IL1RAP: variants seen among roughly 807,000 people sequenced by gnomAD.
The protein encoded by IL1RAP is interleukin-1 receptor accessory protein.
A neutral mutation model predicts 60.7 loss-of-function variants in IL1RAP; 35 were observed. The observed-to-expected ratio is 0.58, with a 90% CI of 0.44 to 0.76. The LOEUF (loss-of-function observed/expected upper bound fraction) is 0.76. IL1RAP is among the 30% of genes least tolerant of loss of function. The pLI, the probability that IL1RAP is intolerant of heterozygous loss-of-function variation, is 0.00. For synonymous variants in IL1RAP, 268 were observed against 250.9 expected (o/e 1.07, Z -0.64); for missense variants, 572 against 693.9 (o/e 0.82, Z 1.97).
intron 5 of IL1RAP, among the ~76,000 whole-genome samples, chr3:190,611,501 C>A (rs904138989): frequency 6.6e-6 from 1 of 152,074 alleles, no homozygotes; most frequent in Non-Finnish European, 1.5e-5. Context: ...TTAAAAGAAA[C>A]ATATAAGACA....
chr3:190,654,197 C>CAA (rs1201488257), downstream of IL1RAP, among the ~76,000 whole-genome samples: 3 of 140,414 alleles, frequency 2.1e-5, no homozygotes, highest in African/African-American at 3.2e-5. Context: ...ATATCACACA[C>CAA]ACACACACAC....
At chr3:190,578,413 C>T (rs1383799393) in intron 3 of IL1RAP, among the ~76,000 whole-genome samples, 1 of 152,164 alleles carries the variant, frequency 6.6e-6, no homozygotes, top group Admixed American at 6.5e-5. Context: ...TTAATAACTT[C>T]TCTAGCACAG....
Position 190,591,910 on chromosome 3 carries a change from C to CA in IL1RAP, c.65-12210dup, listed in dbSNP as rs1280719494. Among the ~76,000 whole-genome samples, 7 of 151,732 alleles carry CA rather than the reference C, an allele frequency of 4.6e-5. No homozygotes were observed. The East Asian group carries it at 5.8e-4, about 13-fold the overall frequency. ...TTTATTTATTGTCACAACAGCCCTG[C>CA]AAAAAAAATCATTCCCTTCAGCAGC... On this transcript the variant is annotated intron_variant, in intron 3 of 11. Transcript: ENST00000447382.
intron 9 of IL1RAP, among the ~76,000 whole-genome samples, chr3:190,641,760 C>A (rs1474773435): frequency 6.6e-6 from 1 of 152,038 alleles, no homozygotes; most frequent in African/African-American, 2.4e-5. Flanking sequence ...CCAGAGAGAG[C>A]CAAAATAACT....
chr3:190,623,188 G>T (rs1042648768), intron 6 of IL1RAP, among the ~76,000 whole-genome samples, 156 bp from the exon 7 acceptor site: 1 of 152,174 alleles, frequency 6.6e-6, no homozygotes, highest in African/African-American at 2.4e-5. Flanking sequence ...TTAAATGACT[G>T]AAGTGCAGTA....
At chr3:190,564,469 C>T in intron 3 of IL1RAP, 116 bp downstream of exon 3, 1 of 731,786 alleles carries the variant, frequency 1.4e-6, no homozygotes, top group Non-Finnish European at 2.5e-6. Flanking sequence ...CCATTGTCTT[C>T]TGCGGTAGCA....
chr3:190,633,371 A>ATTTTTTTTTT (rs1187674156), intron 9 of IL1RAP, among the ~76,000 whole-genome samples: 56 of 152,056 alleles, frequency 3.7e-4, no homozygotes, highest in African/African-American at 1.3e-3. Flanking sequence ...ATTTAAATTT[A>ATTTTTTTTTT]TTTTTGAGAC....
At position 190,531,271 on chromosome 3, in the gene IL1RAP, A is replaced by T. The variant is rs185915195; in HGVS notation, c.-89+17052A>T. The stretch of plus-strand genomic sequence containing the variant: ...GTCTGTAACAATAATAATAATAATT[A>T]AAAAAAATCCACCCATAGTTCTTGG... On this transcript the variant is annotated intron_variant, in intron 1 of 11. Coordinates refer to ENST00000447382, the MANE Select transcript of IL1RAP (RefSeq NM_002182.4). Among the ~76,000 whole-genome samples the T allele has an allele frequency of 2.7e-3, 411 of 152,142 alleles. 1 individual carries two copies. The highest frequency in any genetic ancestry group is 4.2e-3 in the Non-Finnish European group (283 of 67,976).
At chr3:190,528,866 T>C (rs1028783141) in intron 1 of IL1RAP, among the ~76,000 whole-genome samples, 1 of 152,116 alleles carries the variant, frequency 6.6e-6, no homozygotes, top group African/African-American at 2.4e-5. Context: ...TAAGGAGAAG[T>C]GGTAAATGAA....
chr3:190,650,993 C>T lies in IL1RAP; in HGVS notation c.*2288C>T. ...TCTATTTATATGCCTGCCTTTGGTA[C>T]TTAATTTTACAAATGCTGTAATATA... is the stretch of plus-strand genomic sequence containing the variant. On this transcript the variant is annotated 3_prime_UTR_variant, in exon 12 of 12. Coordinates refer to ENST00000447382, the MANE Select transcript of IL1RAP (RefSeq NM_002182.4). The T allele has an allele frequency of 9.1e-6, 9 of 985,110 alleles. No individual in the cohort carries two copies. The highest frequency in any genetic ancestry group is 1.1e-5 in the Non-Finnish European group (9 of 829,744). 61.0% of individuals were successfully genotyped at this position (985,110 alleles called of 1,614,324 possible).
At chr3:190,551,437 A>C (rs1315906247) in intron 1 of IL1RAP, among the ~76,000 whole-genome samples, 2 of 152,252 alleles carry the variant, frequency 1.3e-5, no homozygotes, top group East Asian at 1.9e-4. Context: ...GAGAGAAACA[A>C]ACATGCTTCA....
intron 3 of IL1RAP, among the ~76,000 whole-genome samples, chr3:190,598,912 A>G (rs1350906021): frequency 3.3e-5 from 5 of 152,068 alleles, no homozygotes; most frequent in South Asian, 4.1e-4. Flanking sequence ...CTATAATTCT[A>G]TTACGTCTCT....
chr3:190,565,453 A>G (rs1577606306), intron 3 of IL1RAP, among the ~76,000 whole-genome samples: 1 of 152,292 alleles, frequency 6.6e-6, no homozygotes, highest in East Asian at 1.9e-4. Context: ...GAGCTCTCCT[A>G]CCATCCTGAT....
chr3:190,646,314 G>A (rs1006890772), intron 11 of IL1RAP, among the ~76,000 whole-genome samples: 7 of 152,024 alleles, frequency 4.6e-5, no homozygotes, highest in African/African-American at 1.7e-4. Context: ...TTCCTTATGT[G>A]ATTCACTGAT....
chr3:190,567,842 A>T (rs1285072780), intron 3 of IL1RAP, among the ~76,000 whole-genome samples: 2 of 152,188 alleles, frequency 1.3e-5, no homozygotes, highest in Non-Finnish European at 2.9e-5. Flanking sequence ...TTATAGTATT[A>T]AATATTTTCA....
chr3:190,556,930 C>T (rs1036165618), intron 2 of IL1RAP, among the ~76,000 whole-genome samples: 2 of 152,188 alleles, frequency 1.3e-5, no homozygotes, highest in Non-Finnish European at 2.9e-5. Flanking sequence ...AGACTTTCCT[C>T]TCAACAAATG....
At chr3:190,558,225 T>C (rs993130808) in intron 2 of IL1RAP, among the ~76,000 whole-genome samples, 1 of 152,192 alleles carries the variant, frequency 6.6e-6, no homozygotes, top group African/African-American at 2.4e-5. Context: ...TTTAGGCAAT[T>C]AATAATAGGG....
chr3:190,570,946 T>C (rs1193349071), intron 3 of IL1RAP, among the ~76,000 whole-genome samples: 1 of 152,146 alleles, frequency 6.6e-6, no homozygotes, highest in Non-Finnish European at 1.5e-5. Flanking sequence ...CCTTCCCTTA[T>C]GTAAGAAAAT....
chr3:190,634,948 C>T (rs1316041331), intron 9 of IL1RAP, among the ~76,000 whole-genome samples: 2 of 152,182 alleles, frequency 1.3e-5, no homozygotes, highest in Non-Finnish European at 2.9e-5. Flanking sequence ...ATCTCCTGAC[C>T]TTGTGATCCG....
Sources: gnomAD v4.1 joint callset for allele counts (sites outside exome capture counted in the v4.1 genomes callset) on GRCh38, gnomAD v4.1.1 for gene constraint, MANE v1.5 for transcripts, NCBI Gene and HGNC (gene_info 2026-07-23, HGNC 2026-07-21) for gene names.